ZCCHC14: variants seen among roughly 807,000 people sequenced by gnomAD.
The protein encoded by ZCCHC14 is zinc finger CCHC-type containing 14.
A neutral mutation model predicts 85.0 loss-of-function variants in ZCCHC14; 16 were observed. The ratio of observed to expected loss-of-function variants is 0.19; its 90% CI spans 0.13 to 0.29. The LOEUF is 0.29. Among genes scored for constraint, ZCCHC14 ranks in the 10% least tolerant of loss-of-function variants. ZCCHC14 has a pLI of 1.00. For synonymous variants in ZCCHC14, 775 were observed against 630.7 expected (o/e 1.23, Z -3.43); for missense variants, 1,303 against 1,443.5 (o/e 0.90, Z 1.58).
rs1044802725 is a variant in ZCCHC14 at position 87,410,420 on chromosome 16, C to T, written c.3206-85G>A. The T allele has an allele frequency of 4.7e-6, 3 of 637,310 alleles. No individual in the cohort carries two copies. The Admixed American group carries it at 7.6e-5, about 16-fold the overall frequency. The allele number at this position is 637,310 out of a possible 1,614,324, so 39.5% of individuals were successfully genotyped here. On this transcript the variant is annotated intron_variant, in intron 12 of 12. Transcript: ENST00000671377. ...CAATCTGTCCAGTCATGTCCAGAGC[C>T]ACTGGGCAAGATTCTGGTGCTGGAA...
rs889759550 is a variant in ZCCHC14, at chr16:87,492,868, C to A, written c.-630G>T. Among the ~76,000 whole-genome samples the A allele has an allele frequency of 2.7e-5, 4 of 148,434 alleles. No individual in the cohort carries two copies. In the South Asian group the frequency reaches 8.4e-4, roughly 31 times the overall value. On this transcript the variant is annotated 5_prime_UTR_variant, in exon 1 of 13. Coordinates refer to ENST00000671377, the MANE Select transcript of ZCCHC14 (RefSeq NM_015144.3). The surrounding 1 kb of genome is among the most constrained non-coding windows in gnomAD (Gnocchi z 6.7). Reference sequence around the variant, plus strand: ...GAGGGATCCGGCCGGGACTTGCCGGCCTTGCTGCTCCCGCGCGGCGGACGG... The same window carrying A: ...GAGGGATCCGGCCGGGACTTGCCGGACTTGCTGCTCCCGCGCGGCGGACGG...
chr16:87,417,340 G>A (rs746167819), intron 8 of ZCCHC14, 120 bp downstream of exon 8: 29 of 1,425,708 alleles, frequency 2.0e-5, no homozygotes, highest in Non-Finnish European at 2.8e-5. Flanking sequence ...AAGAACAGGC[G>A]CTGCGCCTCG....
In ZCCHC14 at chr16:87,409,994, C is replaced by G. The variant is rs1001913614; in HGVS notation, c.*286G>C. On this transcript the variant is annotated 3_prime_UTR_variant, in exon 13 of 13. Coordinates refer to ENST00000671377, the MANE Select transcript of ZCCHC14 (RefSeq NM_015144.3). ...GAGGGCCAGTGATGGCAATGCTCTT[C>G]GGGAGACATGGCGTCTCTGCACTGC... 5 of 276,636 alleles carry G rather than the reference C, an allele frequency of 1.8e-5. No individual in the cohort carries two copies. The highest frequency in any genetic ancestry group is 1.1e-4 in the African/African-American group (5 of 45,344). 17.1% of individuals were successfully genotyped at this position (276,636 alleles called of 1,614,324 possible). A position where few individuals can be genotyped will look rare whatever the true frequency, so the allele number is the denominator to read the frequency against.
At chr16:87,436,586 T>C (rs1012002800) in intron 2 of ZCCHC14, among the ~76,000 whole-genome samples, 1 of 152,228 alleles carries the variant, frequency 6.6e-6, no homozygotes, top group African/African-American at 2.4e-5. Flanking sequence ...GAAAAAAGGC[T>C]GATAGAGCAG....
intron 1 of ZCCHC14, among the ~76,000 whole-genome samples, chr16:87,485,469 G>A (rs10221075): frequency 6.6e-6 from 1 of 151,696 alleles, no homozygotes; most frequent in South Asian, 2.1e-4. Flanking sequence ...TCTAAACTGC[G>A]TATGTTAAGA....
In ZCCHC14 at chr16:87,485,888, C is replaced by T. The variant is rs112721264; in HGVS notation, c.570+5781G>A. On this transcript the variant is annotated intron_variant, in intron 1 of 12. Transcript: ENST00000671377. ...TAAACTAAAGCCTAAGTAAACAGTA[C>T]GCTTCACCTGCAGTGACAAGACTAA... Among the ~76,000 whole-genome samples the T allele has an allele frequency of 2.6e-5, 4 of 152,260 alleles. No individual in the cohort carries two copies. In the East Asian group the frequency reaches 7.7e-4, roughly 29 times the overall value.
Position 87,412,710 on chromosome 16 carries a change from A to G in ZCCHC14, c.2011T>C (p.Leu671=), listed in dbSNP as rs1428759155. The part of the protein sequence containing the change: ...KLLSSSVHSL[L]SLEERNKGSG... ...CCTTTATTCCTTTCTTCTAGAGACA[A>G]AAGTGAGTGCACAGAAGACGAGAGG... The change falls in exon 12 of 13, where the codon TTG becomes CTG. Residue 671 remains leucine (L), a synonymous_variant. Transcript: ENST00000671377. 2 of 1,614,204 alleles carry G rather than the reference A, an allele frequency of 1.2e-6. No individual in the cohort carries two copies. The highest frequency in any genetic ancestry group is 2.2e-5 in the South Asian group (2 of 91,082).
rs1169600358 is a variant in ZCCHC14, at chr16:87,420,475, A to C, written c.950+132T>G. Reference sequence around the variant, plus strand: ...CTCCAGAACTAATGGAAATCCCTAGAGGCCAAGTAGAGACCCAGGTCCAGG... The same window carrying C: ...CTCCAGAACTAATGGAAATCCCTAGCGGCCAAGTAGAGACCCAGGTCCAGG... On this transcript the variant is annotated intron_variant, in intron 5 of 12. Coordinates refer to ENST00000671377, the MANE Select transcript of ZCCHC14 (RefSeq NM_015144.3). The surrounding 1 kb of genome is among the most constrained non-coding windows in gnomAD (Gnocchi z 5.0). 1 of 637,356 alleles carries C rather than the reference A, an allele frequency of 1.6e-6. No homozygotes were observed. Among genetic ancestry groups the C allele is most frequent in the East Asian group, 3.0e-5 (1 of 33,488 alleles). 39.5% of individuals were successfully genotyped at this position (637,356 alleles called of 1,614,324 possible). A position where few individuals can be genotyped will look rare whatever the true frequency, so the allele number is the denominator to read the frequency against.
intron 4 of ZCCHC14, among the ~76,000 whole-genome samples, chr16:87,421,711 G>A (rs1383795522): frequency 3.3e-5 from 5 of 152,190 alleles, no homozygotes; most frequent in East Asian, 1.9e-4. Context: ...AGACCCTCCA[G>A]ACTCAGGCAG....
At chr16:87,487,968 G>C (rs977891356) in intron 1 of ZCCHC14, among the ~76,000 whole-genome samples, 9 of 152,058 alleles carry the variant, frequency 5.9e-5, no homozygotes, top group Non-Finnish European at 7.4e-5. Context: ...TCAAGGGTTG[G>C]GGGGAGGGGG....
intron 3 of ZCCHC14, 102 bp downstream of exon 3, chr16:87,433,026 T>C (rs1909739874): frequency 8.1e-7 from 1 of 1,233,864 alleles, no homozygotes; most frequent in Non-Finnish European, 1.1e-6. Context: ...GCACGGGGCT[T>C]TGCACAAGGC....
chr16:87,413,029 A>G, intron 11 of ZCCHC14, 26 bp downstream of exon 11: 1 of 1,614,134 alleles, frequency 6.2e-7, no homozygotes, highest in Non-Finnish European at 8.5e-7. Context: ...GGCCAGGTCG[A>G]GCCAGCGCCG....
At chr16:87,429,906 C>T (rs536087246) in intron 3 of ZCCHC14, among the ~76,000 whole-genome samples, 1 of 152,286 alleles carries the variant, frequency 6.6e-6, no homozygotes, top group East Asian at 1.9e-4. Context: ...CGCGCCCAGC[C>T]GGAGACCCCA....
intron 4 of ZCCHC14, among the ~76,000 whole-genome samples, chr16:87,421,689 A>C (rs1909103815): frequency 6.6e-6 from 1 of 152,124 alleles, no homozygotes; most frequent in Admixed American, 6.5e-5. Flanking sequence ...GAGTGAAGCA[A>C]AACGGCGGAG....
intron 1 of ZCCHC14, among the ~76,000 whole-genome samples, chr16:87,464,428 C>A (rs1245876635): frequency 1.3e-5 from 2 of 152,194 alleles, no homozygotes; most frequent in Admixed American, 6.5e-5. Flanking sequence ...TTTTATACTG[C>A]ACCCATCATC....
intron 3 of ZCCHC14, among the ~76,000 whole-genome samples, chr16:87,430,262 C>T (rs906002836): frequency 3.3e-5 from 5 of 152,066 alleles, no homozygotes; most frequent in East Asian, 1.9e-4. Flanking sequence ...CTCCTGCATA[C>T]GGACGTCTGT....
chr16:87,424,386 T>C (rs1053499603), intron 3 of ZCCHC14, among the ~76,000 whole-genome samples: 1 of 152,170 alleles, frequency 6.6e-6, no homozygotes, highest in East Asian at 1.9e-4. Context: ...TGTGAGTCCA[T>C]TGATAGCAAC....
chr16:87,424,057 A>T (rs1168554060), intron 3 of ZCCHC14, among the ~76,000 whole-genome samples, 176 bp from the exon 4 acceptor site: 1 of 152,222 alleles, frequency 6.6e-6, no homozygotes, highest in Non-Finnish European at 1.5e-5. Flanking sequence ...GAAGAGTCAC[A>T]TAGCTCCAGG....
At chr16:87,456,824 C>CA (rs1336269295) in intron 2 of ZCCHC14, among the ~76,000 whole-genome samples, 3 of 152,116 alleles carry the variant, frequency 2.0e-5, no homozygotes, top group Admixed American at 6.5e-5. Flanking sequence ...TTTAAGAGTG[C>CA]AAAGGGGTCC....
Sources: allele counts gnomAD v4.1 joint callset (sites outside exome capture counted in the v4.1 genomes callset), GRCh38; gene constraint gnomAD v4.1.1; non-coding constraint Gnocchi (gnomAD v3.1); transcripts MANE v1.5; gene names NCBI Gene and HGNC (gene_info 2026-07-23, HGNC 2026-07-21).